Variants in RPA3 observed in about 807,000 individuals in gnomAD.
RPA3 encodes the protein replication protein A 14 kDa subunit.
RPA3 carries 24 observed loss-of-function variants against 13.7 expected under a neutral mutation model. That is an observed-to-expected ratio of 1.75 (90% CI 1.27 to 2.46). The LOEUF is 2.46. Among genes scored for constraint, RPA3 ranks in the 30% most tolerant of loss-of-function variants. RPA3 has a pLI of 0.00. For synonymous variants in RPA3, 59 were observed against 51.2 expected (o/e 1.15, Z -0.65); for missense variants, 183 against 151.0 (o/e 1.21, Z -1.11).
chr7:7,669,806 G>A (rs990375838), intron 4 of RPA3, among the ~76,000 whole-genome samples: 4 of 152,188 alleles, frequency 2.6e-5, no homozygotes, highest in Non-Finnish European at 4.4e-5. Flanking sequence ...ATTATCCAAA[G>A]CAAATCTTTG....
intron 2 of RPA3, among the ~76,000 whole-genome samples, chr7:7,714,215 T>A (rs1169955961): frequency 6.6e-6 from 1 of 152,252 alleles, no homozygotes; most frequent in Non-Finnish European, 1.5e-5. Flanking sequence ...CAGTCTTAAC[T>A]GACCTCCACT....
At chr7:7,652,626 T>G (rs1785249555) in intron 4 of RPA3, among the ~76,000 whole-genome samples, 1 of 152,206 alleles carries the variant, frequency 6.6e-6, no homozygotes, top group South Asian at 2.1e-4. Context: ...GGAAGTAGAT[T>G]GGTTAATTCC....
intron 4 of RPA3, among the ~76,000 whole-genome samples, chr7:7,676,890 A>T (rs1779754601): frequency 6.6e-6 from 1 of 151,684 alleles, no homozygotes; most frequent in Admixed American, 6.6e-5. Context: ...TATCAGGTAA[A>T]CTCTTTTTTA....
At chr7:7,667,555 C>T (rs1279875648) in intron 4 of RPA3, among the ~76,000 whole-genome samples, 2 of 152,132 alleles carry the variant, frequency 1.3e-5, no homozygotes, top group Non-Finnish European at 2.9e-5. Context: ...GCTACACCTA[C>T]AGTTTTGGAT....
chr7:7,708,667 A>C (rs192060051), intron 2 of RPA3, among the ~76,000 whole-genome samples: 8 of 152,340 alleles, frequency 5.3e-5, no homozygotes, highest in Admixed American at 1.3e-4. Context: ...TTTTCCTACT[A>C]CTTCGTTTTG....
intron 2 of RPA3, among the ~76,000 whole-genome samples, chr7:7,713,575 C>T (rs1214920542): frequency 2.6e-5 from 4 of 151,802 alleles, no homozygotes; most frequent in African/African-American, 9.7e-5. Context: ...ATTTTATTTT[C>T]TGTTTCATCA....
rs143832299 is a variant in RPA3, at chr7:7,673,205, T to C, written c.-758+12625A>G. ...GTTTTACATGTGGCCATAGAATTCC[T>C]AAGAGTAACTATTGTTATATCGTTA... is the stretch of plus-strand genomic sequence containing the variant. On this transcript the variant is annotated intron_variant, in intron 4 of 7. Transcript: ENST00000223129. 5.4e-4 allele frequency: 421 copies of C among 777,142 alleles called. 3 individuals are homozygous for C. The highest frequency in any genetic ancestry group is 8.6e-4 in the Non-Finnish European group (391 of 456,074). 48.1% of individuals were successfully genotyped at this position (777,142 alleles called of 1,614,324 possible).
intron 2 of RPA3, among the ~76,000 whole-genome samples, chr7:7,688,679 A>G (rs1176949981): frequency 6.6e-6 from 1 of 152,006 alleles, no homozygotes; most frequent in Non-Finnish European, 1.5e-5. Flanking sequence ...CAGCTCCTAT[A>G]TTATTGTTTT....
chr7:7,655,246 C>T (rs1583698179), intron 4 of RPA3, among the ~76,000 whole-genome samples: 2 of 152,150 alleles, frequency 1.3e-5, no homozygotes, highest in Admixed American at 1.3e-4. Context: ...TAGACTGCCC[C>T]TTCCCCCAGT....
At chr7:7,646,485 T>A (rs1440192794) in intron 4 of RPA3, among the ~76,000 whole-genome samples, 1 of 69,548 alleles carries the variant, frequency 1.4e-5, no homozygotes, top group East Asian at 3.1e-3. Context: ...GCTGGATTTT[T>A]TTTTTTTTTT....
intron 4 of RPA3, among the ~76,000 whole-genome samples, chr7:7,674,577 TA>T (rs1779690856): frequency 6.6e-6 from 1 of 152,200 alleles, no homozygotes; most frequent in Non-Finnish European, 1.5e-5. Context: ...ATACCTGAGG[TA>T]AAAATAGTGG....
intron 4 of RPA3, among the ~76,000 whole-genome samples, chr7:7,649,426 A>C (rs994511256): frequency 6.6e-6 from 1 of 152,182 alleles, no homozygotes; most frequent in Non-Finnish European, 1.5e-5. Flanking sequence ...GAGCTCTCAT[A>C]ACCTGGTTAC....
At chr7:7,707,088 T>C (rs1780621289) in intron 2 of RPA3, among the ~76,000 whole-genome samples, 1 of 152,170 alleles carries the variant, frequency 6.6e-6, no homozygotes, top group Admixed American at 6.5e-5. Flanking sequence ...TGATTATAAA[T>C]ATATAACTAT....
In RPA3 at chr7:7,637,934, T is replaced by A; in HGVS notation, c.213A>T (p.Gly71=). 1 of 1,613,670 alleles carries A rather than the reference T, an allele frequency of 6.2e-7. No individual in the cohort carries two copies. Among genetic ancestry groups the A allele is most frequent in the Non-Finnish European group, 8.5e-7 (1 of 1,179,744 alleles). Residue 71 remains glycine (G), a synonymous_variant, in exon 7 of 8, where the codon GGA becomes GGT. Transcript: ENST00000223129. ...AGATGGTGGCCTTGGCGGTTACTCTTCCAACCACTTCCACAATTCCAGAGA... is the reference window on the plus strand; with the variant it reads ...AGATGGTGGCCTTGGCGGTTACTCTACCAACCACTTCCACAATTCCAGAGA... ...EEISGIVEVV[G]RVTAKATILC... is the part of the protein sequence containing the mutation.
chr7:7,659,489 A>C (rs770034319), intron 4 of RPA3, among the ~76,000 whole-genome samples: 1 of 152,080 alleles, frequency 6.6e-6, no homozygotes, highest in African/African-American at 2.4e-5. Flanking sequence ...TGTCCCAGGG[A>C]TTCTGGTACC....
chr7:7,681,644 C>T lies in RPA3; in HGVS notation c.-758+4186G>A, dbSNP rs533427172. Among the ~76,000 whole-genome samples the T allele has an allele frequency of 7.9e-5, 12 of 152,164 alleles. No homozygotes were observed. The South Asian group carries it at 2.5e-3, about 32-fold the overall frequency. ...AATCCTCCAGGGTACTCATTTTACA[C>T]AAAAACAAATTGCAGTTTTCATTTG... On this transcript the variant is annotated intron_variant, in intron 4 of 7. Transcript: ENST00000223129.
chr7:7,700,033 C>A (rs553088313), intron 2 of RPA3, among the ~76,000 whole-genome samples: 1 of 152,294 alleles, frequency 6.6e-6, no homozygotes, highest in Admixed American at 6.5e-5. Flanking sequence ...TAGAGATGCT[C>A]AGTAAATAAC....
chr7:7,657,925 T>C (rs1183819892), intron 4 of RPA3, among the ~76,000 whole-genome samples: 1 of 152,232 alleles, frequency 6.6e-6, no homozygotes, highest in Non-Finnish European at 1.5e-5. Context: ...TTCATGATAT[T>C]GATTCTTCCT....
chr7:7,717,762 T>C (rs1390095206), intron 1 of RPA3, among the ~76,000 whole-genome samples: 3 of 152,364 alleles, frequency 2.0e-5, no homozygotes, highest in Middle Eastern at 3.4e-3. Flanking sequence ...GTTCAGGAAC[T>C]CTGGCCTGGA....
Sources: allele counts gnomAD v4.1 joint callset (sites outside exome capture counted in the v4.1 genomes callset), GRCh38; gene constraint gnomAD v4.1.1; transcripts MANE v1.5; gene names NCBI Gene and HGNC (gene_info 2026-07-23, HGNC 2026-07-21).